The following WDR43 variants were observed in gnomAD, a reference collection of about 807,000 sequenced individuals.
WDR43 encodes the protein WD repeat-containing protein 43.
WDR43 carries 13 observed loss-of-function variants against 91.4 expected under a neutral mutation model. That is an observed-to-expected ratio of 0.14 (90% confidence interval 0.09 to 0.23). WDR43 has a LOEUF of 0.23. Among genes scored for constraint, WDR43 ranks in the 10% least tolerant of loss-of-function variants. WDR43 has a pLI of 1.00. For missense variants in WDR43, 780 were observed against 809.4 expected, an observed-to-expected ratio of 0.96 and a Z score of 0.44; for synonymous variants, 331 against 287.9, an observed-to-expected ratio of 1.15 and a Z score of -1.51.
At chr2:28,929,539 C>T in intron 10 of WDR43, 40 bp from the exon 11 acceptor site, 2 of 1,485,976 alleles carry the variant, frequency 1.3e-6, no homozygotes, top group East Asian at 2.5e-5. Flanking sequence ...TACTTTAAGT[C>T]TTGTCTGGTA....
chr2:28,894,992 G>C, intron 1 of WDR43, 69 bp downstream of exon 1: 1 of 1,403,648 alleles, frequency 7.1e-7, no homozygotes, highest in Non-Finnish European at 9.3e-7. Context: ...GGGCCGGGTG[G>C]CGCGTGGTCC....
rs34947681 is a variant in WDR43, at chr2:28,907,468, A to AAAG, written c.485+887_485+888insAAG. On this transcript the variant is annotated intron_variant, in intron 3 of 17. Coordinates refer to ENST00000407426, the MANE Select transcript of WDR43 (RefSeq NM_015131.3). ...TTACAAAAAAAAAAAAAAAAAAAAA[A>AAAG]TTGGGTGTGGTGGCATGCATGGCCT... Among the ~76,000 whole-genome samples, 41 of 120,308 alleles carry AAAG rather than the reference A, an allele frequency of 3.4e-4. 8 individuals are homozygous for AAAG. The highest frequency in any genetic ancestry group is 4.8e-4 in the East Asian group (2 of 4,190). The allele number at this position is 120,308 out of a possible 152,430, so 78.9% of individuals were successfully genotyped here. A position where few individuals can be genotyped will look rare whatever the true frequency, so the allele number is the denominator to read the frequency against.
intron 15 of WDR43, 142 bp from the exon 16 acceptor site, chr2:28,942,170 T>C (rs567978443): frequency 5.9e-6 from 4 of 681,250 alleles, no homozygotes; most frequent in Non-Finnish European, 7.5e-6. Flanking sequence ...ACTTTTTTGC[T>C]CTGTATTGTA....
chr2:28,940,189 CG>C (rs1209768479), intron 14 of WDR43, among the ~76,000 whole-genome samples: 1 of 148,510 alleles, frequency 6.7e-6, no homozygotes, highest in Non-Finnish European at 1.5e-5. Context: ...CAGAATATCA[CG>C]GGGGTAGGGG....
At position 28,894,868 on chromosome 2, in the gene WDR43, A is replaced by C. The variant is rs1372138188; in HGVS notation, c.170A>C (p.His57Pro). 1 of 1,609,168 alleles carries C rather than the reference A, an allele frequency of 6.2e-7. No homozygotes were observed. Among genetic ancestry groups the C allele is most frequent in the African/African-American group, 1.3e-5 (1 of 74,846 alleles). The change falls in exon 1 of 18, where the codon CAC becomes CCC. Residue 57 changes from histidine to proline, a missense_variant. His to Pro is a moderately conservative substitution (Grantham distance 77). Around this residue, in one of 4 missense-constraint regions of WDR43, gnomAD observed 175 missense variants for 113.8 expected, o/e 1.54. Coordinates refer to ENST00000407426, the MANE Select transcript of WDR43 (RefSeq NM_015131.3). ...RLHQEYVPSA[H>P]LSGTCTCLAW... is the part of the protein sequence containing the mutation. Reference sequence around the variant, plus strand: ...CACCAGGAGTACGTGCCTTCCGCGCACCTCAGTGGTACCTGCACCTGTCTG... The same window carrying C: ...CACCAGGAGTACGTGCCTTCCGCGCCCCTCAGTGGTACCTGCACCTGTCTG...
chr2:28,921,316 C>G (rs1313925927), intron 6 of WDR43, among the ~76,000 whole-genome samples: 1 of 151,254 alleles, frequency 6.6e-6, no homozygotes, highest in Admixed American at 6.6e-5. Flanking sequence ...TTAGTAGAGA[C>G]AGGGTTTCAC....
chr2:28,922,916 T>C lies in WDR43; in HGVS notation c.850-3T>C. The C allele has an allele frequency of 1.2e-6, 2 of 1,611,266 alleles. No individual in the cohort carries two copies. The highest frequency in any genetic ancestry group is 8.5e-7 in the Non-Finnish European group (1 of 1,178,426). On this transcript the variant is annotated splice_polypyrimidine_tract_variant and splice_region_variant and intron_variant, in intron 6 of 17. Transcript: ENST00000407426. The stretch of plus-strand genomic sequence containing the variant: ...TAATACGTTGGTTACATTTTTCTTT[T>C]AGCCTGTCAAGTTGGCTGTTGTTTG...
Position 28,941,554 on chromosome 2 carries a change from C to G in WDR43, c.1714C>G (p.Leu572Val). 1.2e-6 allele frequency: 2 copies of G among 1,611,764 alleles called. No individual in the cohort carries two copies. The highest frequency in any genetic ancestry group is 1.7e-6 in the Non-Finnish European group (2 of 1,178,710). Residue 572 changes from leucine (L) to valine (V), a missense_variant, in exon 15 of 18, where the codon CTT becomes GTT. Transcript: ENST00000407426. Reference sequence around the variant, plus strand: ...GAAACTTTCACACCTTCATGGAAAGCTTATTCTTCTAATTACACAAGTGAG... The same window carrying G: ...GAAACTTTCACACCTTCATGGAAAGGTTATTCTTCTAATTACACAAGTGAG... The part of the protein sequence containing the change: ...FQKLSHLHGK[L>V]ILLITQVTAS...
chr2:28,920,915 G>A (rs971851521), intron 6 of WDR43, among the ~76,000 whole-genome samples: 1 of 151,890 alleles, frequency 6.6e-6, no homozygotes, highest in African/African-American at 2.4e-5. Context: ...GACCTCAGGT[G>A]TTCTGCCCAC....
Position 28,912,575 on chromosome 2 carries a change from C to G in WDR43, c.486-15C>G. On this transcript the variant is annotated splice_polypyrimidine_tract_variant and intron_variant, in intron 3 of 17. Transcript: ENST00000407426. ...CTCATGTATTGAGATGCTTTTTTTTCTCTTCACAATATAGCAAATGGAAAG... is the reference window on the plus strand; with the variant it reads ...CTCATGTATTGAGATGCTTTTTTTTGTCTTCACAATATAGCAAATGGAAAG... The G allele has an allele frequency of 1.3e-6, 2 of 1,596,304 alleles. No homozygotes were observed. The highest frequency in any genetic ancestry group is 1.1e-5 in the South Asian group (1 of 88,416).
chr2:28,896,499 C>T (rs137935256), intron 1 of WDR43, among the ~76,000 whole-genome samples: 2 of 152,278 alleles, frequency 1.3e-5, no homozygotes, highest in African/African-American at 4.8e-5. Context: ...AACTTTCTGC[C>T]TTGTTTCGGG....
chr2:28,910,174 T>C (rs941125901), intron 3 of WDR43, among the ~76,000 whole-genome samples: 1 of 152,178 alleles, frequency 6.6e-6, no homozygotes, highest in Non-Finnish European at 1.5e-5. Flanking sequence ...GTTACAAAGC[T>C]CCTGAGGGAT....
intron 1 of WDR43, among the ~76,000 whole-genome samples, chr2:28,897,525 TGTA>T (rs1670506420): frequency 6.6e-6 from 1 of 152,174 alleles, no homozygotes; most frequent in African/African-American, 2.4e-5. Flanking sequence ...ATGTGACTGG[TGTA>T]GTATGGCCTA....
At chr2:28,906,679 C>T in intron 3 of WDR43, 98 bp downstream of exon 3, 2 of 1,353,968 alleles carry the variant, frequency 1.5e-6, no homozygotes, top group Non-Finnish European at 1.9e-6. Context: ...GTTCCATTTA[C>T]AAAGAACTTT....
At chr2:28,899,336 A>C (rs1355864921) in intron 1 of WDR43, among the ~76,000 whole-genome samples, 1 of 152,220 alleles carries the variant, frequency 6.6e-6, no homozygotes, top group Non-Finnish European at 1.5e-5. Flanking sequence ...ATGTGTCTTA[A>C]GGGAAAGAAG....
intron 14 of WDR43, 113 bp downstream of exon 14, chr2:28,938,107 C>A: frequency 9.3e-7 from 1 of 1,075,570 alleles, no homozygotes; most frequent in East Asian, 2.6e-5. Flanking sequence ...TATCCTTCAG[C>A]CGTTAGATGC....
chr2:28,922,741 C>A (rs193079172), intron 6 of WDR43, among the ~76,000 whole-genome samples, 178 bp from the exon 7 acceptor site: 140 of 151,612 alleles, frequency 9.2e-4, no homozygotes, highest in Non-Finnish European at 1.7e-3. Context: ...CTTGACAACA[C>A]CACCACTAAT....
intron 11 of WDR43, among the ~76,000 whole-genome samples, chr2:28,932,524 T>G (rs1671268261): frequency 1.3e-5 from 2 of 152,182 alleles, no homozygotes; most frequent in Non-Finnish European, 2.9e-5. Context: ...ACCTAGGAGA[T>G]TATGCATTTA....
intron 10 of WDR43, 160 bp downstream of exon 10, chr2:28,927,860 T>C (rs1471954188): frequency 5.7e-6 from 6 of 1,046,220 alleles, no homozygotes; most frequent in Non-Finnish European, 8.0e-6. Context: ...GATTTCATAA[T>C]TCTAGATTGT....
Sources: allele counts gnomAD v4.1 joint callset (sites outside exome capture counted in the v4.1 genomes callset), GRCh38; gene constraint gnomAD v4.1.1; regional missense constraint gnomAD v4.1.1; transcripts MANE v1.5; gene names NCBI Gene and HGNC (gene_info 2026-07-23, HGNC 2026-07-21).